TIGD4: variants seen among roughly 807,000 people sequenced by gnomAD.
TIGD4 encodes tigger transposable element derived 4.
In TIGD4, 20 loss-of-function variants were observed where a neutral mutation model predicts 24.9. The ratio of observed to expected loss-of-function variants is 0.80; its 90% CI spans 0.56 to 1.17. TIGD4 has a LOEUF of 1.17. Ranked by LOEUF, TIGD4 falls within the 50% of genes most tolerant of loss-of-function variation. The probability of loss-of-function intolerance (pLI) is 0.00; values close to 1 mark genes in which losing one functional copy is unlikely to be tolerated. For missense variants in TIGD4, 566 were observed against 591.0 expected, an observed-to-expected ratio of 0.96 and a Z score of 0.44; for synonymous variants, 193 against 211.0, an observed-to-expected ratio of 0.91 and a Z score of 0.74.
In TIGD4 at chr4:152,770,901, C is replaced by T. The variant is rs746637318; in HGVS notation, c.104G>A (p.Ser35Asn). ...AGCAATCTCTGCTTTTTTCTTGCCA[C>T]TTTCCACTGCATTTATGATGTCGAT... ...EKIDIINAVE[S>N]GKKKAEIAAE... is the part of the protein sequence containing the mutation. Residue 35 changes from serine (S) to asparagine (N), a missense_variant, in exon 2 of 2, where the codon AGT becomes AAT. Physicochemically the swap from Ser to Asn is conservative, Grantham distance 46. Transcript: ENST00000304337. 8 of 1,613,858 alleles carry T rather than the reference C, an allele frequency of 5.0e-6. No homozygotes were observed. Among genetic ancestry groups the T allele is most frequent in the Non-Finnish European group, 1.7e-6 (2 of 1,179,930 alleles).
At position 152,770,009 on chromosome 4, in the gene TIGD4, G is replaced by A. The variant is rs749038425; in HGVS notation, c.996C>T (p.His332=). The change falls in exon 2 of 2, where the codon CAC becomes CAT. Residue 332 remains histidine (H), a synonymous_variant. Transcript: ENST00000304337. ...AGCTTAAAAATTTCTTGATAAGACA[G>A]TGTCGATATTTGATTTTAAGGCTTT... is the stretch of plus-strand genomic sequence containing the variant. ...VIKSLKIKYR[H]CLIKKFLSSV... The A allele has an allele frequency of 6.2e-7, 1 of 1,610,250 alleles. No individual in the cohort carries two copies. The highest frequency in any genetic ancestry group is 2.2e-5 in the East Asian group (1 of 44,804).
At chr4:152,773,604 G>C (rs1286506573) in intron 1 of TIGD4, among the ~76,000 whole-genome samples, 2 of 137,094 alleles carry the variant, frequency 1.5e-5, no homozygotes, top group African/African-American at 5.6e-5. Context: ...CGGATTCTAT[G>C]CTCCCAGCAC....
rs1730147588 is a variant in TIGD4, at chr4:152,770,465, A to G, written c.540T>C (p.Phe180=). Reference sequence around the variant, plus strand: ...AAAGCAGCCCAGTCTCTTTTATATTAAAAACATTTTTAGGATGATAATCAT... The same window carrying G: ...AAAGCAGCCCAGTCTCTTTTATATTGAAAACATTTTTAGGATGATAATCAT... ...YLNDYHPKNV[F]NIKETGLLYR... Residue 180 remains phenylalanine, a synonymous_variant, in exon 2 of 2, where the codon TTT becomes TTC. Coordinates refer to ENST00000304337, the MANE Select transcript of TIGD4 (RefSeq NM_145720.4). The G allele has an allele frequency of 1.2e-6, 2 of 1,607,722 alleles. No homozygotes were observed. The highest frequency in any genetic ancestry group is 2.2e-5 in the South Asian group (2 of 89,492).
At chr4:152,774,936 G>A (rs779914472) in intron 1 of TIGD4, among the ~76,000 whole-genome samples, 1 of 145,962 alleles carries the variant, frequency 6.9e-6, no homozygotes, top group Non-Finnish European at 1.5e-5. Flanking sequence ...TTTTTTTTAA[G>A]AGGGAGTATC....
rs1292108297 is a variant in TIGD4, at chr4:152,769,692, G to A, written c.1313C>T (p.Ser438Phe). The change falls in exon 2 of 2, where the codon TCC becomes TTC. Residue 438 changes from serine (S) to phenylalanine (F), a missense_variant. Coordinates refer to ENST00000304337, the MANE Select transcript of TIGD4 (RefSeq NM_145720.4). ...ETCEAAPNGD[S>F]ICTKESKSDE... ...CGATTTACTTTCTTTGGTGCATATG[G>A]AATCACCATTTGGTGCTGCTTCACA... 1 of 1,613,698 alleles carries A rather than the reference G, an allele frequency of 6.2e-7. No individual in the cohort carries two copies. The highest frequency in any genetic ancestry group is 8.5e-7 in the Non-Finnish European group (1 of 1,179,838).
At chr4:152,771,997 G>A (rs1213723621) in intron 1 of TIGD4, among the ~76,000 whole-genome samples, 4 of 152,052 alleles carry the variant, frequency 2.6e-5, no homozygotes, top group Non-Finnish European at 5.9e-5. Context: ...TCTTTTATAG[G>A]AGTCTGACAG....
chr4:152,771,058 C>T lies in TIGD4; in HGVS notation c.-54G>A. ...CTTCTTAACTTCCTGGTGACTGTTT[C>T]TTTAATTAAATTTGTTTTCCAGTAT... On this transcript the variant is annotated 5_prime_UTR_variant, in exon 2 of 2. Transcript: ENST00000304337. The T allele has an allele frequency of 6.6e-7, 1 of 1,523,926 alleles. No homozygotes were observed. The highest frequency in any genetic ancestry group is 1.4e-5 in the South Asian group (1 of 73,412). The allele number at this position is 1,523,926 out of a possible 1,614,324, so 94.4% of individuals were successfully genotyped here.
In TIGD4 at chr4:152,770,709, T is replaced by C. The variant is rs1376493095; in HGVS notation, c.296A>G (p.Gln99Arg). 2 of 1,613,656 alleles carry C rather than the reference T, an allele frequency of 1.2e-6. No homozygotes were observed. Among genetic ancestry groups the C allele is most frequent in the African/African-American group, 1.3e-5 (1 of 75,018 alleles). The change falls in exon 2 of 2, where the codon CAG becomes CGG. Residue 99 changes from glutamine (Q) to arginine (R), a missense_variant. Transcript: ENST00000304337. ...EALMRWYRIA[Q>R]CLNVPVNGPM... is the part of the protein sequence containing the mutation. ...ACCATTAACTGGTACATTTAGACAC[T>C]GAGCAATTCGATACCATCTCATTAA...
At chr4:152,775,674 C>T (rs1183753451) in intron 1 of TIGD4, among the ~76,000 whole-genome samples, 1 of 152,218 alleles carries the variant, frequency 6.6e-6, no homozygotes, top group Non-Finnish European at 1.5e-5. Context: ...CTTTGAATCT[C>T]TCTGACTTCC....
rs149638257 is a variant in TIGD4 at position 152,775,949 on chromosome 4, C to T, written c.-539+3533G>A. ...ACCTGCTACACGGGACTATTCCCTG[C>T]ATTGCTATATAATTACAGACAAAAT... On this transcript the variant is annotated intron_variant, in intron 1 of 1. Coordinates refer to ENST00000304337, the MANE Select transcript of TIGD4 (RefSeq NM_145720.4). Among the ~76,000 whole-genome samples the T allele has an allele frequency of 1.6e-4, 25 of 152,210 alleles. No individual in the cohort carries two copies. In the East Asian group the frequency reaches 4.4e-3, roughly 27 times the overall value.
chr4:152,772,780 C>A lies in TIGD4; in HGVS notation c.-538-1238G>T, dbSNP rs202164489. On this transcript the variant is annotated intron_variant, in intron 1 of 1. Transcript: ENST00000304337. Reference sequence around the variant, plus strand: ...AGGCTGGTATACAGTGGCACAATCTCGGCTCACTGCAACCTCTGCCTCCCA... The same window carrying A: ...AGGCTGGTATACAGTGGCACAATCTAGGCTCACTGCAACCTCTGCCTCCCA... 3.3e-5 allele frequency among the ~76,000 whole-genome samples: 5 copies of A among 151,926 alleles called. No homozygotes were observed. In the East Asian group the frequency reaches 9.7e-4, roughly 29 times the overall value.
At position 152,770,931 on chromosome 4, in the gene TIGD4, T is replaced by C. The variant is rs774886215; in HGVS notation, c.74A>G (p.Glu25Gly). 20 of 1,613,788 alleles carry C rather than the reference T, an allele frequency of 1.2e-5. 1 individual carries two copies. In the South Asian group the frequency reaches 2.0e-4, roughly 16 times the overall value. The change falls in exon 2 of 2, where the codon GAA (glutamate) becomes GGA (glycine). Residue 25 changes from glutamate to glycine, a missense_variant. Physicochemically the swap from Glu to Gly is moderately conservative, Grantham distance 98. Transcript: ENST00000304337. ...CACTGCATTTATGATGTCGATCTTT[T>C]CCTCAATGGATAGGCTTTTCTTTTT... is the stretch of plus-strand genomic sequence containing the variant. ...VKKKKSLSIE[E>G]KIDIINAVES...
chr4:152,774,010 C>T lies in TIGD4; in HGVS notation c.-538-2468G>A, dbSNP rs1382843442. On this transcript the variant is annotated intron_variant, in intron 1 of 1. Coordinates refer to ENST00000304337, the MANE Select transcript of TIGD4 (RefSeq NM_145720.4). ...CCTTCTTTCCTTCCTCTTTTCTTTC[C>T]TTCCCTTTTTTCTTTCCTTCCTTCC... 4.0e-5 allele frequency among the ~76,000 whole-genome samples: 6 copies of T among 151,504 alleles called. No homozygotes were observed. In the East Asian group the frequency reaches 1.2e-3, roughly 29 times the overall value.
In TIGD4 at chr4:152,770,196, C is replaced by G. The variant is rs757895789; in HGVS notation, c.809G>C (p.Arg270Pro). 3 of 1,614,092 alleles carry G rather than the reference C, an allele frequency of 1.9e-6. No homozygotes were observed. The highest frequency in any genetic ancestry group is 1.7e-6 in the Non-Finnish European group (2 of 1,179,958). The change falls in exon 2 of 2, where the codon CGA (arginine) becomes CCA (proline). Residue 270 changes from arginine (R) to proline (P), a missense_variant. By Grantham distance (103) the Arg-to-Pro change is moderately radical. Transcript: ENST00000304337. ...GGCTTGAAATTCCTCATCAAGCTTT[C>G]GCATCCATTGTTCAAATACATCGGA... Reference protein sequence around the residue: ...MTSDVFEQWMRKLDEEFQAQQ... With the variant: ...MTSDVFEQWMPKLDEEFQAQQ...
At chr4:152,779,381 C>T (rs1730344247) in intron 1 of TIGD4, 101 bp downstream of exon 1, 1 of 152,260 alleles carries the variant, frequency 6.6e-6, no homozygotes. Flanking sequence ...AGAGGGCTCC[C>T]CAGGCACGGG....
intron 1 of TIGD4, among the ~76,000 whole-genome samples, chr4:152,777,180 G>T (rs1284299767): frequency 6.6e-6 from 1 of 152,132 alleles, no homozygotes; most frequent in African/African-American, 2.4e-5. Context: ...TTGCAAGATT[G>T]AGGCCAGATC....
In TIGD4 at chr4:152,770,824, C is replaced by A. The variant is rs112197567; in HGVS notation, c.181G>T (p.Asp61Tyr). The A allele has an allele frequency of 7.4e-6, 12 of 1,612,508 alleles. No homozygotes were observed. The highest frequency in any genetic ancestry group is 2.2e-5 in the East Asian group (1 of 44,886). The change falls in exon 2 of 2, where the codon GAC (aspartate) becomes TAC (tyrosine). Residue 61 changes from aspartate to tyrosine, a missense_variant. Asp to Tyr is a radical substitution (Grantham distance 160). Coordinates refer to ENST00000304337, the MANE Select transcript of TIGD4 (RefSeq NM_145720.4). ...GATTCAAAGGCTTCTAGAACTTTGT[C>A]TTTATTCTTCATAATAGAAGACAAT... ...NSLSSIMKNKDKVLEAFESLR... is the reference protein window; with the variant it reads ...NSLSSIMKNKYKVLEAFESLR...
chr4:152,770,067 G>T lies in TIGD4; in HGVS notation c.938C>A (p.Ser313Tyr), dbSNP rs1330636266. Residue 313 changes from serine to tyrosine, a missense_variant, in exon 2 of 2, where the codon TCC becomes TAC. Physicochemically the swap from Ser to Tyr is moderately radical, Grantham distance 144 (BLOSUM62 -2). Transcript: ENST00000304337. ...ACCTTGTTTCATAGCTATACATTTG[G>T]AAGATAAACATGATGGAAAGAATGC... ...ELAFFPSCLS[S>Y]KCIAMKQGVI... The T allele has an allele frequency of 2.5e-6, 4 of 1,613,922 alleles. No homozygotes were observed. In the African/African-American group the frequency reaches 4.0e-5, roughly 16 times the overall value.
chr4:152,771,869 C>T (rs1730182455), intron 1 of TIGD4, among the ~76,000 whole-genome samples: 2 of 152,224 alleles, frequency 1.3e-5, no homozygotes, highest in Middle Eastern at 3.4e-3. Context: ...TGGATAGATG[C>T]TTGGTGGCTA....
Sources: gnomAD v4.1 joint callset for allele counts (sites outside exome capture counted in the v4.1 genomes callset) on GRCh38, gnomAD v4.1.1 for gene constraint, MANE v1.5 for transcripts, NCBI Gene and HGNC (gene_info 2026-07-23, HGNC 2026-07-21) for gene names.